ARID4B: variants seen among roughly 807,000 people sequenced by gnomAD.
ARID4B encodes AT-rich interaction domain 4B.
In ARID4B, 26 loss-of-function variants were observed where a neutral mutation model predicts 147.5. The ratio of observed to expected loss-of-function variants is 0.18; its 90% CI spans 0.13 to 0.24. ARID4B has a LOEUF of 0.24. ARID4B is among the 10% of genes least tolerant of loss of function. ARID4B has a pLI of 1.00. For missense variants in ARID4B, 1,179 were observed against 1,511.5 expected (o/e 0.78, Z 3.65); for synonymous variants, 512 against 507.9 (o/e 1.01, Z -0.11).
At chr1:235,302,153 G>GAAAAAAAA (rs749154889) in intron 2 of ARID4B, among the ~76,000 whole-genome samples, 22 of 30,652 alleles carry the variant, frequency 7.2e-4, no homozygotes, top group Non-Finnish European at 9.9e-4. Context: ...TCAAAAAACG[G>GAAAAAAAA]AAAAAAAAAA....
chr1:235,323,928 A>T (rs1041550400), intron 2 of ARID4B, among the ~76,000 whole-genome samples: 2 of 148,566 alleles, frequency 1.3e-5, no homozygotes, highest in African/African-American at 5.0e-5. Context: ...TTTGAGAGAG[A>T]GAGTTTCACT....
chr1:235,189,471 A>G (rs929472869), intron 19 of ARID4B, among the ~76,000 whole-genome samples: 9 of 152,018 alleles, frequency 5.9e-5, no homozygotes, highest in Admixed American at 2.6e-4. Flanking sequence ...AAAAGGATTA[A>G]AAGACAAAGC....
At chr1:235,236,054 G>C (rs1340416810) in intron 8 of ARID4B, among the ~76,000 whole-genome samples, 2 of 151,466 alleles carry the variant, frequency 1.3e-5, no homozygotes, top group African/African-American at 2.4e-5. Flanking sequence ...AGTCTCCCAA[G>C]TAGCTGGGAC....
chr1:235,227,967 G>A (rs375947753), intron 11 of ARID4B, among the ~76,000 whole-genome samples: 1 of 151,436 alleles, frequency 6.6e-6, no homozygotes, highest in Admixed American at 6.6e-5. Flanking sequence ...CGAGTAGCTG[G>A]GATTACAGGT....
intron 2 of ARID4B, among the ~76,000 whole-genome samples, chr1:235,300,822 G>T (rs1673070856): frequency 6.6e-6 from 1 of 151,932 alleles, no homozygotes; most frequent in Non-Finnish European, 1.5e-5. Context: ...CGATTCTCCT[G>T]CCTCAGCCTC....
At chr1:235,295,707 G>T (rs1672650646) in intron 2 of ARID4B, among the ~76,000 whole-genome samples, 1 of 150,224 alleles carries the variant, frequency 6.7e-6, no homozygotes, top group African/African-American at 2.4e-5. Flanking sequence ...CTACTCGGGA[G>T]GCTGAGGCAG....
intron 11 of ARID4B, among the ~76,000 whole-genome samples, chr1:235,226,188 G>T (rs990284026): frequency 6.6e-6 from 1 of 152,142 alleles, no homozygotes; most frequent in Non-Finnish European, 1.5e-5. Flanking sequence ...CAAAAGGTTT[G>T]GTAGCTATTT....
rs957844643 is a variant in ARID4B at position 235,260,586 on chromosome 1, A to C, written c.117+56T>G. On this transcript the variant is annotated intron_variant, in intron 3 of 23. Coordinates refer to ENST00000264183, the MANE Select transcript of ARID4B (RefSeq NM_016374.6). Reference sequence around the variant, plus strand: ...AAATCTTAAATACACTCACCAAATAAAAGTTTACATATCAAATGCTGAACA... The same window carrying C: ...AAATCTTAAATACACTCACCAAATACAAGTTTACATATCAAATGCTGAACA... The C allele has an allele frequency of 2.3e-6, 3 of 1,332,008 alleles. No homozygotes were observed. The African/African-American group carries it at 4.5e-5, about 20-fold the overall frequency. 82.5% of individuals were successfully genotyped at this position (1,332,008 alleles called of 1,614,324 possible). A position where few individuals can be genotyped will look rare whatever the true frequency, so the allele number is the denominator to read the frequency against.
chr1:235,248,820 A>AT (rs1669462441), intron 6 of ARID4B, among the ~76,000 whole-genome samples: 1 of 152,128 alleles, frequency 6.6e-6, no homozygotes, highest in Non-Finnish European at 1.5e-5. Flanking sequence ...GACTAAAAAG[A>AT]CCTGGGGGTA....
At chr1:235,179,543 A>C (rs1664138966) in intron 20 of ARID4B, among the ~76,000 whole-genome samples, 1 of 149,656 alleles carries the variant, frequency 6.7e-6, no homozygotes, top group Middle Eastern at 3.2e-3. Flanking sequence ...AAAAAAAAAA[A>C]AAAAAAAAAA....
In ARID4B at chr1:235,221,656, T is replaced by C; in HGVS notation, c.1072A>G (p.Ser358Gly). ...HKLGGFDNIE[S>G]GAVWKQVYQD... is the part of the protein sequence containing the mutation. ...TAGACTTGTTTCCAAACAGCTCCAC[T>C]TTCAATCTAATGGACAAAGTGAAAC... is the stretch of plus-strand genomic sequence containing the variant. Residue 358 changes from serine (S) to glycine (G), a missense_variant, in exon 14 of 24, where the codon AGT becomes GGT. By Grantham distance (56) the Ser-to-Gly change is moderately conservative. Around this residue, in one of 10 missense-constraint regions of ARID4B, gnomAD observed 26 missense variants for 77.9 expected, o/e 0.33. Transcript: ENST00000264183. 6.3e-7 allele frequency: 1 copy of C among 1,594,928 alleles called. No individual in the cohort carries two copies. Among genetic ancestry groups the C allele is most frequent in the Non-Finnish European group, 8.6e-7 (1 of 1,165,674 alleles).
At chr1:235,246,392 CAACT>C (rs757241990) in intron 7 of ARID4B, 24 bp downstream of exon 7, 19 of 1,497,930 alleles carry the variant, frequency 1.3e-5, no homozygotes, top group Admixed American at 1.7e-5. Context: ...AATTCAGGTT[CAACT>C]AACAGTCATG....
chr1:235,229,136 C>T, intron 11 of ARID4B, 95 bp downstream of exon 11: 1 of 1,346,272 alleles, frequency 7.4e-7, no homozygotes. Context: ...ACTAAAAATA[C>T]TTATATGAGT....
intron 2 of ARID4B, among the ~76,000 whole-genome samples, chr1:235,307,942 G>C (rs1673696600): frequency 6.6e-6 from 1 of 151,560 alleles, no homozygotes; most frequent in Admixed American, 6.6e-5. Flanking sequence ...AGCTCCTCCT[G>C]TCTCAGCCTC....
intron 2 of ARID4B, among the ~76,000 whole-genome samples, chr1:235,293,532 T>A (rs908791743): frequency 1.1e-4 from 17 of 152,146 alleles, no homozygotes; most frequent in African/African-American, 3.4e-4. Context: ...TATGTAAATA[T>A]GAGGTAAAAT....
intron 8 of ARID4B, among the ~76,000 whole-genome samples, chr1:235,238,455 C>G (rs1199092433): frequency 6.6e-6 from 1 of 152,178 alleles, no homozygotes; most frequent in Non-Finnish European, 1.5e-5. Flanking sequence ...TATTTGAGAA[C>G]AAATTAGTTG....
intron 2 of ARID4B, among the ~76,000 whole-genome samples, chr1:235,302,148 A>T (rs1375488002): frequency 8.2e-6 from 1 of 121,460 alleles, no homozygotes; most frequent in Non-Finnish European, 1.7e-5. Flanking sequence ...CTGTCTCAAA[A>T]AACGGAAAAA....
chr1:235,221,452 G>A (rs1326814372), intron 14 of ARID4B, 113 bp downstream of exon 14: 1 of 598,832 alleles, frequency 1.7e-6, no homozygotes, highest in East Asian at 2.8e-5. Flanking sequence ...GACTACTCTA[G>A]TAAAATGTTC....
chr1:235,209,314 T>C (rs937462137), intron 17 of ARID4B, among the ~76,000 whole-genome samples: 5 of 151,960 alleles, frequency 3.3e-5, no homozygotes, highest in African/African-American at 1.2e-4. Flanking sequence ...CTACTAAAAA[T>C]ACAAAAATTT....
Sources: allele counts gnomAD v4.1 joint callset (sites outside exome capture counted in the v4.1 genomes callset), GRCh38; gene constraint gnomAD v4.1.1; regional missense constraint gnomAD v4.1.1; transcripts MANE v1.5; gene names NCBI Gene and HGNC (gene_info 2026-07-23, HGNC 2026-07-21).